Variants in FXYD5 observed in about 807,000 individuals in gnomAD.
The protein encoded by FXYD5 is FXYD domain-containing ion transport regulator 5.
A neutral mutation model predicts 25.7 loss-of-function variants in FXYD5; 21 were observed. The ratio of observed to expected loss-of-function variants is 0.82; its 90% CI spans 0.58 to 1.18. The LOEUF (loss-of-function observed/expected upper bound fraction) is 1.18, where lower values mean the gene tolerates loss of function less well. Among genes scored for constraint, FXYD5 ranks in the 50% most tolerant of loss-of-function variants. The pLI is 0.00. For missense variants in FXYD5, 229 were observed against 227.7 expected, an observed-to-expected ratio of 1.01 and a Z score of -0.04; for synonymous variants, 101 against 90.7, an observed-to-expected ratio of 1.11 and a Z score of -0.64.
At chr19:35,166,404 C>A in intron 8 of FXYD5, 79 bp downstream of exon 8, 1 of 908,870 alleles carries the variant, frequency 1.1e-6, no homozygotes, top group South Asian at 1.6e-5. Context: ...CTCAAAGGTC[C>A]CTGGGCAATT....
intron 2 of FXYD5, 38 bp downstream of exon 2, chr19:35,155,649 C>T (rs765117015): frequency 6.7e-7 from 1 of 1,496,126 alleles, no homozygotes; most frequent in Non-Finnish European, 9.3e-7. Flanking sequence ...GCCCCAGAGC[C>T]CCCAGCCAGG....
chr19:35,160,653 T>C, intron 4 of FXYD5, 56 bp from the exon 5 acceptor site: 1 of 1,252,212 alleles, frequency 8.0e-7, no homozygotes, highest in Non-Finnish European at 1.2e-6. Flanking sequence ...GCCCCAATTC[T>C]CTTTCCCCAG....
At chr19:35,167,876 A>G (rs1427819685) in intron 8 of FXYD5, among the ~76,000 whole-genome samples, 1 of 152,146 alleles carries the variant, frequency 6.6e-6, no homozygotes, top group Admixed American at 6.5e-5. Flanking sequence ...GTTAAGGCTC[A>G]GAGAGTTAAG....
At chr19:35,167,683 G>GC (rs1463783355) in intron 8 of FXYD5, among the ~76,000 whole-genome samples, 2 of 152,152 alleles carry the variant, frequency 1.3e-5, no homozygotes, top group African/African-American at 4.8e-5. Context: ...AAGAAAATGA[G>GC]CATAGCCACA....
intron 2 of FXYD5, chr19:35,157,060 G>A (rs1353705051): frequency 4.5e-6 from 1 of 224,314 alleles, no homozygotes; most frequent in African/African-American, 2.3e-5. Flanking sequence ...TATTATCCCT[G>A]CTTTGCAGAT....
intron 8 of FXYD5, among the ~76,000 whole-genome samples, chr19:35,168,535 AGAG>A (rs1406735164): frequency 6.6e-6 from 1 of 152,082 alleles, no homozygotes; most frequent in Non-Finnish European, 1.5e-5. Flanking sequence ...AGGTTGGGGG[AGAG>A]GAGAAGACGA....
chr19:35,165,060 A>G (rs2065438884), intron 6 of FXYD5, among the ~76,000 whole-genome samples: 1 of 151,076 alleles, frequency 6.6e-6, no homozygotes, highest in Non-Finnish European at 1.5e-5. Flanking sequence ...TCTGAAGTCC[A>G]AAATGTTCCA....
In FXYD5 at chr19:35,169,654, C is replaced by T. The variant is rs955891262; in HGVS notation, c.*39C>T. The stretch of plus-strand genomic sequence containing the variant: ...AGGAGCTGACAACCTGCTGGGCACC[C>T]GAAGACCAAGCCCCCTGCCAGCTCA... On this transcript the variant is annotated 3_prime_UTR_variant, in exon 9 of 9. Transcript: ENST00000392219. 1.1e-5 allele frequency: 16 copies of T among 1,394,180 alleles called. No homozygotes were observed. The highest frequency in any genetic ancestry group is 4.5e-5 in the East Asian group (2 of 44,070). 86.4% of individuals were successfully genotyped at this position (1,394,180 alleles called of 1,614,324 possible).
At chr19:35,161,245 CACAA>C (rs1362859218) in intron 5 of FXYD5, among the ~76,000 whole-genome samples, 2 of 143,048 alleles carry the variant, frequency 1.4e-5, no homozygotes, top group South Asian at 2.4e-4. Flanking sequence ...CACACACACA[CACAA>C]AAGAATGATT....
intron 8 of FXYD5, among the ~76,000 whole-genome samples, chr19:35,169,089 T>C (rs1000441101): frequency 6.8e-6 from 1 of 147,244 alleles, no homozygotes; most frequent in South Asian, 2.1e-4. Context: ...AGTAACCTCC[T>C]CATTGAAGCC....
At chr19:35,166,200 A>G in intron 7 of FXYD5, 29 bp downstream of exon 7, 1 of 1,612,656 alleles carries the variant, frequency 6.2e-7, no homozygotes, top group Non-Finnish European at 8.5e-7. Context: ...GATGTGGGGG[A>G]AGGAAAGGTG....
intron 2 of FXYD5, among the ~76,000 whole-genome samples, chr19:35,157,153 A>C (rs1045440720): frequency 5.3e-5 from 8 of 152,130 alleles, no homozygotes; most frequent in African/African-American, 1.9e-4. Flanking sequence ...ATTTGAAACC[A>C]GGGCCCAGGC....
At chr19:35,155,967 G>A (rs902636286) in intron 2 of FXYD5, among the ~76,000 whole-genome samples, 4 of 152,226 alleles carry the variant, frequency 2.6e-5, no homozygotes, top group African/African-American at 9.6e-5. Flanking sequence ...GCATTACACA[G>A]TTAGGCAAAG....
At chr19:35,160,620 A>G (rs1381025811) in intron 4 of FXYD5, 89 bp from the exon 5 acceptor site, 3 of 857,566 alleles carry the variant, frequency 3.5e-6, no homozygotes, top group African/African-American at 3.3e-5. Context: ...TGCTGGGAAT[A>G]CAGACATAAG....
rs1158274690 is a variant in FXYD5 at position 35,155,595 on chromosome 19, G to A, written c.45G>A (p.Leu15=). ...TGTGTCTTCTCACCATCGTTGGCCT[G>A]ATTCTCCCCACCAGAGGTAAGACCC... ...GRLCLLTIVG[L]ILPTRGQTLK... Residue 15 remains leucine, a synonymous_variant, in exon 2 of 9, where the codon CTG becomes CTA. Transcript: ENST00000392219. The A allele has an allele frequency of 6.2e-7, 1 of 1,610,158 alleles. No homozygotes were observed. Among genetic ancestry groups the A allele is most frequent in the Non-Finnish European group, 8.5e-7 (1 of 1,179,336 alleles).
At chr19:35,161,249 A>ACACACACACACACACACACACACAC (rs58296906) in intron 5 of FXYD5, among the ~76,000 whole-genome samples, 9,517 of 119,704 alleles carry the variant, frequency 0.08, 657 homozygotes, top group African/African-American at 0.13. Context: ...CACACACACA[A>ACACACACACACACACACACACACAC]AAGAATGATT....
chr19:35,161,829 T>C (rs1197148232), intron 5 of FXYD5, among the ~76,000 whole-genome samples: 1 of 152,224 alleles, frequency 6.6e-6, no homozygotes, highest in Non-Finnish European at 1.5e-5. Context: ...CAGAGAGACA[T>C]GTACAGTTGT....
chr19:35,155,347 G>A, intron 1 of FXYD5: 2 of 591,772 alleles, frequency 3.4e-6, no homozygotes, highest in Non-Finnish European at 6.0e-6. Flanking sequence ...GGGACCTGCA[G>A]GGGAAGGAAG....
chr19:35,155,675 C>A, intron 2 of FXYD5, 64 bp downstream of exon 2: 1 of 1,213,534 alleles, frequency 8.2e-7, no homozygotes, highest in Non-Finnish European at 1.2e-6. Context: ...CCCACGTGTG[C>A]TGCGGGGTGG....
Sources: gnomAD v4.1 joint callset for allele counts (sites outside exome capture counted in the v4.1 genomes callset) on GRCh38, gnomAD v4.1.1 for gene constraint, MANE v1.5 for transcripts, NCBI Gene and HGNC (gene_info 2026-07-23, HGNC 2026-07-21) for gene names.